ST3GAL3: variants seen among roughly 807,000 people sequenced by gnomAD.
ST3GAL3 encodes the protein CMP-N-acetylneuraminate-beta-1,4-galactoside alpha-2,3-sialyltransferase.
A neutral mutation model predicts 50.1 loss-of-function variants in ST3GAL3; 21 were observed. The ratio of observed to expected loss-of-function variants is 0.42; its 90% CI spans 0.30 to 0.60. The LOEUF (loss-of-function observed/expected upper bound fraction) is 0.60. Among genes scored for constraint, ST3GAL3 ranks in the 20% least tolerant of loss-of-function variants. The pLI, the probability that ST3GAL3 is intolerant of heterozygous loss-of-function variation, is 0.19. For missense variants in ST3GAL3, 353 were observed against 489.4 expected (o/e 0.72, Z 2.63); for synonymous variants, 183 against 190.0 (o/e 0.96, Z 0.30).
chr1:43,888,654 C>G (rs576991192), intron 5 of ST3GAL3, among the ~76,000 whole-genome samples: 228 of 152,158 alleles, frequency 1.5e-3, no homozygotes, highest in African/African-American at 5.2e-3. Context: ...ATGGCTCTTC[C>G]ATATATGAAA....
At chr1:43,878,168 G>A (rs916782723) in intron 5 of ST3GAL3, among the ~76,000 whole-genome samples, 1 of 152,066 alleles carries the variant, frequency 6.6e-6, no homozygotes, top group African/African-American at 2.4e-5. Flanking sequence ...CTCCAGTCTT[G>A]ACCTGTGGTC....
At chr1:43,762,677 A>AT (rs1414496647) in intron 2 of ST3GAL3, among the ~76,000 whole-genome samples, 2 of 152,324 alleles carry the variant, frequency 1.3e-5, no homozygotes, top group South Asian at 4.1e-4. Context: ...ATACATAAGC[A>AT]TATATATTAT....
intron 5 of ST3GAL3, chr1:43,879,620 G>A (rs2527776): frequency 0.61 from 202,945 of 335,330 alleles, 67,822 homozygotes; most frequent in Non-Finnish European, 0.73. Flanking sequence ...TCCAAGGGAT[G>A]CCATCCAGTT....
chr1:43,877,926 A>T (rs928968346), intron 5 of ST3GAL3, among the ~76,000 whole-genome samples: 2 of 152,224 alleles, frequency 1.3e-5, no homozygotes, highest in Non-Finnish European at 2.9e-5. Context: ...CCCTTCCAGG[A>T]ATCCCATTTC....
intron 11 of ST3GAL3, among the ~76,000 whole-genome samples, chr1:43,925,569 G>T (rs907128407): frequency 5.3e-5 from 8 of 152,232 alleles, no homozygotes; most frequent in Admixed American, 1.3e-4. Context: ...CACTGAGAAT[G>T]TTGGTGCCCG....
chr1:43,852,488 G>A (rs2154215073), intron 5 of ST3GAL3, among the ~76,000 whole-genome samples: 1 of 152,238 alleles, frequency 6.6e-6, no homozygotes, highest in South Asian at 2.1e-4. Context: ...CTCCCATAGA[G>A]ACTGTGAACT....
At chr1:43,904,454 C>T (rs867806723) in intron 9 of ST3GAL3, among the ~76,000 whole-genome samples, 2 of 151,980 alleles carry the variant, frequency 1.3e-5, no homozygotes, top group South Asian at 2.1e-4. Context: ...ATTTCCTTTG[C>T]GGCCATCACC....
chr1:43,746,490 T>C (rs1572013006), intron 2 of ST3GAL3, among the ~76,000 whole-genome samples: 2 of 145,668 alleles, frequency 1.4e-5, no homozygotes, highest in South Asian at 4.4e-4. Flanking sequence ...TGAGATGGAG[T>C]CTCACTCTGT....
At chr1:43,725,315 T>A (rs1442994619) in intron 1 of ST3GAL3, among the ~76,000 whole-genome samples, 1 of 152,196 alleles carries the variant, frequency 6.6e-6, no homozygotes, top group Non-Finnish European at 1.5e-5. Context: ...GCTATTCTCC[T>A]GCCTCAGCCT....
In ST3GAL3 at chr1:43,892,691, A is replaced by C. The variant is rs1345485562; in HGVS notation, c.303-1692A>C. Among the ~76,000 whole-genome samples, 4 of 152,192 alleles carry C rather than the reference A, an allele frequency of 2.6e-5. No homozygotes were observed. In the South Asian group the frequency reaches 6.2e-4, roughly 24 times the overall value. Reference sequence around the variant, plus strand: ...AAAAATGTCGAGATCATTTGGCTAGATCTTAGGCATATTTTATTAGCATAT... The same window carrying C: ...AAAAATGTCGAGATCATTTGGCTAGCTCTTAGGCATATTTTATTAGCATAT... On this transcript the variant is annotated intron_variant, in intron 5 of 11. Coordinates refer to ENST00000347631, the MANE Select transcript of ST3GAL3 (RefSeq NM_006279.5).
intron 1 of ST3GAL3, among the ~76,000 whole-genome samples, chr1:43,709,928 T>C (rs1232675172): frequency 6.6e-6 from 1 of 151,946 alleles, no homozygotes; most frequent in Non-Finnish European, 1.5e-5. Context: ...CCTAGCCCAT[T>C]GTCGCTTTTC....
chr1:43,801,585 G>A (rs769141518), intron 3 of ST3GAL3: 33 of 304,338 alleles, frequency 1.1e-4, no homozygotes, highest in Non-Finnish European at 1.9e-4. Flanking sequence ...GGACAAATAG[G>A]AGAGGACTTG....
At chr1:43,726,742 G>T (rs1019170522) in intron 1 of ST3GAL3, among the ~76,000 whole-genome samples, 7 of 152,022 alleles carry the variant, frequency 4.6e-5, no homozygotes, top group African/African-American at 1.7e-4. Context: ...TTACAGGTGG[G>T]TGCCACCATG....
rs372438152 is a variant in ST3GAL3, at chr1:43,753,355, C to G, written c.118+16975C>G. Reference sequence around the variant, plus strand: ...TTTTACCTATAGCACATTTTTGTAACTCAGTAATTTATTTTGTGGGTTTCT... The same window carrying G: ...TTTTACCTATAGCACATTTTTGTAAGTCAGTAATTTATTTTGTGGGTTTCT... On this transcript the variant is annotated intron_variant, in intron 2 of 11. Transcript: ENST00000347631. 1.4e-4 allele frequency among the ~76,000 whole-genome samples: 22 copies of G among 152,316 alleles called. 1 individual carries two copies. The South Asian group carries it at 4.6e-3, about 32-fold the overall frequency.
rs535018481 is a variant in ST3GAL3, at chr1:43,836,774, C to A, written c.210-1445C>A. Among the ~76,000 whole-genome samples, 6 of 152,348 alleles carry A rather than the reference C, an allele frequency of 3.9e-5. No homozygotes were observed. The East Asian group carries it at 9.6e-4, about 24-fold the overall frequency. On this transcript the variant is annotated intron_variant, in intron 4 of 11. Transcript: ENST00000347631. The stretch of plus-strand genomic sequence containing the variant: ...ACGGAGCCCATTCACTGACTATATC[C>A]TGTTCTTTGGCTGTGATCTTCTCTA...
chr1:43,921,321 T>C, intron 11 of ST3GAL3: 1 of 485,426 alleles, frequency 2.1e-6, no homozygotes, highest in Admixed American at 3.6e-5. Flanking sequence ...CTTCCACCCT[T>C]CCCCACAGCC....
intron 2 of ST3GAL3, among the ~76,000 whole-genome samples, chr1:43,756,495 A>G (rs944999660): frequency 6.6e-6 from 1 of 152,220 alleles, no homozygotes; most frequent in Admixed American, 6.5e-5. Flanking sequence ...GAAAAAGCAC[A>G]TGATATAAAA....
chr1:43,792,199 T>C (rs1300569703), intron 3 of ST3GAL3, 50 bp downstream of exon 3: 2 of 1,610,996 alleles, frequency 1.2e-6, no homozygotes, highest in African/African-American at 2.7e-5. Flanking sequence ...ATATTAGCCA[T>C]ATTTTTTGTG....
intron 2 of ST3GAL3, among the ~76,000 whole-genome samples, chr1:43,774,255 T>G (rs1224216774): frequency 1.3e-5 from 2 of 152,218 alleles, no homozygotes; most frequent in Non-Finnish European, 2.9e-5. Flanking sequence ...TGGATTCCAG[T>G]TCTAACTTGG....
Sources: allele counts gnomAD v4.1 joint callset (sites outside exome capture counted in the v4.1 genomes callset), GRCh38; gene constraint gnomAD v4.1.1; transcripts MANE v1.5; gene names NCBI Gene and HGNC (gene_info 2026-07-23, HGNC 2026-07-21).